The following CNTNAP2 variants were observed in gnomAD, a reference collection of about 807,000 sequenced individuals.
CNTNAP2 encodes contactin associated protein 2, also known as contactin-associated protein-like 2.
A neutral mutation model predicts 155.2 loss-of-function variants in CNTNAP2; 98 were observed. The ratio of observed to expected loss-of-function variants is 0.63; its 90% CI spans 0.54 to 0.75. The LOEUF (loss-of-function observed/expected upper bound fraction) is 0.75. Among genes scored for constraint, CNTNAP2 ranks in the 30% least tolerant of loss-of-function variants. The pLI is 0.00. For synonymous variants in CNTNAP2, 651 were observed against 631.2 expected, an observed-to-expected ratio of 1.03 and a Z score of -0.47; for missense variants, 1,727 against 1,688.1, an observed-to-expected ratio of 1.02 and a Z score of -0.40.
intron 8 of CNTNAP2, among the ~76,000 whole-genome samples, chr7:147,229,900 C>T (rs1292750428): frequency 6.6e-6 from 1 of 152,062 alleles, no homozygotes; most frequent in Non-Finnish European, 1.5e-5. Flanking sequence ...TATTTTGTGG[C>T]TTAAAACCAT....
At chr7:147,278,189 T>A (rs1804946895) in intron 8 of CNTNAP2, among the ~76,000 whole-genome samples, 1 of 151,524 alleles carries the variant, frequency 6.6e-6, no homozygotes, top group South Asian at 2.1e-4. Context: ...AATCTCTTCA[T>A]TTCAGGTAGC....
chr7:148,046,762 A>C (rs1802782441), intron 15 of CNTNAP2, among the ~76,000 whole-genome samples: 1 of 152,224 alleles, frequency 6.6e-6, no homozygotes, highest in African/African-American at 2.4e-5. Flanking sequence ...GAAATATTCT[A>C]AAAATATAAT....
chr7:147,903,230 T>C (rs1359129185), intron 13 of CNTNAP2, among the ~76,000 whole-genome samples: 2 of 152,250 alleles, frequency 1.3e-5, no homozygotes, highest in Non-Finnish European at 2.9e-5. Context: ...TCATTAGGGA[T>C]GCTGAGCATT....
At chr7:146,867,789 T>TA (rs1408295081) in intron 3 of CNTNAP2, among the ~76,000 whole-genome samples, 1 of 152,128 alleles carries the variant, frequency 6.6e-6, no homozygotes, top group East Asian at 1.9e-4. Flanking sequence ...GACTTTTTTT[T>TA]TTCATATGCT....
chr7:147,671,679 G>T (rs1381571582), intron 13 of CNTNAP2: 1 of 152,142 alleles, frequency 6.6e-6, no homozygotes, highest in Non-Finnish European at 1.5e-5. Context: ...AAAGCTCAAG[G>T]CCAGAGATGT....
intron 8 of CNTNAP2, among the ~76,000 whole-genome samples, chr7:147,159,938 T>C (rs968327273): frequency 8.3e-6 from 1 of 120,652 alleles, no homozygotes; most frequent in African/African-American, 4.3e-5. Flanking sequence ...TGAATCAAAG[T>C]TTTTTTTTGG....
chr7:146,917,546 T>TA (rs1796418531), intron 3 of CNTNAP2, among the ~76,000 whole-genome samples: 1 of 152,168 alleles, frequency 6.6e-6, no homozygotes, highest in African/African-American at 2.4e-5. Context: ...CTAGTGCTTT[T>TA]ATCATGATAT....
At position 148,118,164 on chromosome 7, in the gene CNTNAP2, G is replaced by T. The variant is rs1249509574; in HGVS notation, c.2430G>T (p.Leu810=). Residue 810 remains leucine, a synonymous_variant, in exon 16 of 24, where the codon CTG becomes CTT. Coordinates refer to ENST00000361727, the MANE Select transcript of CNTNAP2 (RefSeq NM_014141.6). ...CTTTCCCAAACCCATCCTCCTACCT[G>T]CACTTCTCTACTTTCCAAGGGGAAA... The part of the protein sequence containing the change: ...AASFPNPSSY[L]HFSTFQGETS... 1.2e-6 allele frequency: 2 copies of T among 1,613,950 alleles called. No homozygotes were observed. The highest frequency in any genetic ancestry group is 1.3e-5 in the African/African-American group (1 of 74,872).
At chr7:147,747,863 G>A (rs1797070215) in intron 13 of CNTNAP2, among the ~76,000 whole-genome samples, 2 of 152,168 alleles carry the variant, frequency 1.3e-5, no homozygotes, top group African/African-American at 2.4e-5. Flanking sequence ...TGGCTTTAAG[G>A]AGATTTCCTT....
intron 1 of CNTNAP2, among the ~76,000 whole-genome samples, chr7:146,502,235 A>ATATTTATATATATGAATATATATGTG (rs1797314046): frequency 1.8e-5 from 1 of 56,088 alleles, no homozygotes; most frequent in Non-Finnish European, 3.5e-5. Context: ...ATATATATAT[A>ATATTTATATATATGAATATATATGTG]TATATATATA....
chr7:148,243,034 A>T (rs537321078), intron 20 of CNTNAP2, among the ~76,000 whole-genome samples: 1 of 152,302 alleles, frequency 6.6e-6, no homozygotes, highest in Admixed American at 6.5e-5. Flanking sequence ...AAGAGAAAAG[A>T]TGAAGAAAGG....
intron 1 of CNTNAP2, among the ~76,000 whole-genome samples, chr7:146,702,915 A>G (rs1800901226): frequency 6.6e-6 from 1 of 152,138 alleles, no homozygotes; most frequent in South Asian, 2.1e-4. Flanking sequence ...ATATGCATTG[A>G]CAACAATGGT....
intron 9 of CNTNAP2, among the ~76,000 whole-genome samples, chr7:147,387,907 T>G (rs544529784): frequency 6.6e-6 from 1 of 152,256 alleles, no homozygotes; most frequent in South Asian, 2.1e-4. Flanking sequence ...CCTATTGATA[T>G]GCCTTGCCTG....
chr7:146,977,838 C>T (rs905384935), intron 3 of CNTNAP2, among the ~76,000 whole-genome samples: 1 of 152,072 alleles, frequency 6.6e-6, no homozygotes, highest in Non-Finnish European at 1.5e-5. Flanking sequence ...AATGAGTAAT[C>T]CTGTCAAATT....
intron 1 of CNTNAP2, among the ~76,000 whole-genome samples, chr7:146,264,463 AAAAGAAAG>A (rs142002504): frequency 3.3e-5 from 5 of 152,044 alleles, no homozygotes; most frequent in Admixed American, 6.6e-5. Flanking sequence ...AAATAAAAAA[AAAAGAAAG>A]AAAGAAAGAA....
intron 1 of CNTNAP2, among the ~76,000 whole-genome samples, chr7:146,452,101 G>T (rs1300921477): frequency 6.6e-6 from 1 of 151,428 alleles, no homozygotes; most frequent in African/African-American, 2.4e-5. Flanking sequence ...TAGAGACGGG[G>T]TTTCACCATA....
intron 1 of CNTNAP2, among the ~76,000 whole-genome samples, chr7:146,656,633 A>T (rs1799999613): frequency 6.6e-6 from 1 of 152,188 alleles, no homozygotes; most frequent in Admixed American, 6.5e-5. Flanking sequence ...GAAACACAAA[A>T]GCAGCTGTTG....
intron 10 of CNTNAP2, among the ~76,000 whole-genome samples, chr7:147,428,830 T>C (rs908760430): frequency 2.6e-4 from 39 of 152,096 alleles, no homozygotes; most frequent in African/African-American, 9.4e-4. Flanking sequence ...TTTGGTTACA[T>C]GGAAAAGATA....
At chr7:147,853,857 T>A (rs879715676) in intron 13 of CNTNAP2, among the ~76,000 whole-genome samples, 1 of 152,240 alleles carries the variant, frequency 6.6e-6, no homozygotes, top group Admixed American at 6.5e-5. Flanking sequence ...TTTTTAAGCA[T>A]GTTTATGCTG....
Sources: gnomAD v4.1 joint callset for allele counts (sites outside exome capture counted in the v4.1 genomes callset) on GRCh38, gnomAD v4.1.1 for gene constraint, MANE v1.5 for transcripts, NCBI Gene and HGNC (gene_info 2026-07-23, HGNC 2026-07-21) for gene names.